Variants in OSBPL8 observed in about 807,000 individuals in gnomAD.
The protein encoded by OSBPL8 is oxysterol binding protein like 8, also known as oxysterol-binding protein-related protein 8.
OSBPL8 carries 59 observed loss-of-function variants against 125.5 expected under a neutral mutation model. That is an observed-to-expected ratio of 0.47 (90% CI 0.38 to 0.58). The LOEUF (loss-of-function observed/expected upper bound fraction) is 0.58, where lower values mean the gene tolerates loss of function less well. Ranked by LOEUF, OSBPL8 falls within the 20% of genes least tolerant of loss-of-function variation. OSBPL8 has a pLI of 0.00. For synonymous variants in OSBPL8, 330 were observed against 338.9 expected (o/e 0.97, Z 0.29); for missense variants, 758 against 1,047.8 (o/e 0.72, Z 3.82).
chr12:76,433,585 TCAG>T (rs1458193978), intron 4 of OSBPL8, among the ~76,000 whole-genome samples: 1 of 152,086 alleles, frequency 6.6e-6, no homozygotes, highest in Non-Finnish European at 1.5e-5. Flanking sequence ...TTTTTGTGGA[TCAG>T]AAGAATTAAT....
At position 76,559,607 on chromosome 12, in the gene OSBPL8, A is replaced by T. The variant is rs569680613; in HGVS notation, c.-278T>A. ...GGCTCAGCCCCCGAGCGGGGCGGGA[A>T]CTTTCGGCCCCGAGGTCCACCAGCC... On this transcript the variant is annotated 5_prime_UTR_variant, in exon 1 of 24. Coordinates refer to ENST00000261183, the MANE Select transcript of OSBPL8 (RefSeq NM_020841.5). The T allele has an allele frequency of 3.9e-4, 60 of 152,254 alleles. No homozygotes were observed. Among genetic ancestry groups the T allele is most frequent in the African/African-American group, 1.3e-3 (53 of 41,574 alleles). The allele number at this position is 152,254 out of a possible 1,614,324, so 9.4% of individuals were successfully genotyped here.
At chr12:76,382,634 G>A (rs1156270496) in intron 15 of OSBPL8, among the ~76,000 whole-genome samples, 6 of 152,186 alleles carry the variant, frequency 3.9e-5, no homozygotes, top group Non-Finnish European at 8.8e-5. Context: ...TGTAACCCCA[G>A]CACTTTGGGA....
intron 4 of OSBPL8, among the ~76,000 whole-genome samples, chr12:76,415,341 G>A (rs1461294095): frequency 8.6e-5 from 13 of 151,008 alleles, no homozygotes; most frequent in East Asian, 3.9e-4. Flanking sequence ...TCTGCCTCCC[G>A]GGTTCAAGCG....
intron 1 of OSBPL8, among the ~76,000 whole-genome samples, chr12:76,558,525 G>A (rs1161463519): frequency 6.6e-6 from 1 of 152,186 alleles, no homozygotes; most frequent in East Asian, 1.9e-4. Context: ...GCAGCAGAAA[G>A]GCAAAAACAT....
At chr12:76,459,430 A>G (rs1874439957) in intron 3 of OSBPL8, among the ~76,000 whole-genome samples, 1 of 152,240 alleles carries the variant, frequency 6.6e-6, no homozygotes, top group Non-Finnish European at 1.5e-5. Context: ...TCACTTATAA[A>G]ATACCCAAAG....
intron 3 of OSBPL8, 93 bp downstream of exon 3, chr12:76,459,766 T>C (rs1874484904): frequency 1.4e-6 from 2 of 1,421,494 alleles, no homozygotes; most frequent in Non-Finnish European, 9.8e-7. Flanking sequence ...CACTTAATAA[T>C]TCAAAATTGA....
At chr12:76,416,208 A>G (rs1250570261) in intron 4 of OSBPL8, among the ~76,000 whole-genome samples, 1 of 152,092 alleles carries the variant, frequency 6.6e-6, no homozygotes, top group African/African-American at 2.4e-5. Context: ...AATTTTAAAC[A>G]TAACAGAATT....
chr12:76,465,993 C>T (rs1366620570), intron 2 of OSBPL8, among the ~76,000 whole-genome samples: 1 of 151,586 alleles, frequency 6.6e-6, no homozygotes, highest in Non-Finnish European at 1.5e-5. Context: ...AAGAGCAAGA[C>T]TCTGTCTCAA....
intron 8 of OSBPL8, 26 bp downstream of exon 8, chr12:76,397,668 C>T: frequency 1.9e-6 from 3 of 1,595,086 alleles, no homozygotes; most frequent in Non-Finnish European, 2.6e-6. Context: ...CTTTACCTTT[C>T]ACCTATGTAA....
chr12:76,389,288 T>C (rs1336693010), intron 12 of OSBPL8, among the ~76,000 whole-genome samples: 1 of 152,152 alleles, frequency 6.6e-6, no homozygotes, highest in African/African-American at 2.4e-5. Flanking sequence ...TGCCCCAGGA[T>C]GGGACTGAAC....
chr12:76,395,305 C>A (rs1445138636), intron 8 of OSBPL8, among the ~76,000 whole-genome samples: 1 of 152,028 alleles, frequency 6.6e-6, no homozygotes, highest in African/African-American at 2.4e-5. Context: ...GTATACAATA[C>A]CAACACTAAT....
intron 2 of OSBPL8, among the ~76,000 whole-genome samples, chr12:76,475,886 G>A (rs1399931785): frequency 6.6e-6 from 1 of 152,192 alleles, no homozygotes; most frequent in African/African-American, 2.4e-5. Flanking sequence ...ATTAAACACA[G>A]TCCTAAGTAA....
chr12:76,472,579 G>C (rs982333559), intron 2 of OSBPL8, among the ~76,000 whole-genome samples: 4 of 152,338 alleles, frequency 2.6e-5, no homozygotes, highest in Non-Finnish European at 5.9e-5. Flanking sequence ...AGGGTAAGGA[G>C]TGTGAGCCAT....
chr12:76,444,372 A>G (rs1193964257), intron 4 of OSBPL8, among the ~76,000 whole-genome samples: 1 of 152,202 alleles, frequency 6.6e-6, no homozygotes. Flanking sequence ...GTGATATAAG[A>G]ATTTTGAAAA....
chr12:76,419,448 G>A lies in OSBPL8; in HGVS notation c.218-8814C>T, dbSNP rs141939718. On this transcript the variant is annotated intron_variant, in intron 4 of 23. Transcript: ENST00000261183. ...CAGTAAAATAACTGCTTATAATAAAGGCAGAGGGATACCTGCGAATAAGCT... is the reference window on the plus strand; with the variant it reads ...CAGTAAAATAACTGCTTATAATAAAAGCAGAGGGATACCTGCGAATAAGCT... Among the ~76,000 whole-genome samples the A allele has an allele frequency of 4.3e-3, 661 of 152,134 alleles. 11 individuals carry two copies. The highest frequency in any genetic ancestry group is 0.03 in the Admixed American group (458 of 15,278).
chr12:76,398,340 G>A (rs895053818), intron 7 of OSBPL8, among the ~76,000 whole-genome samples: 9 of 152,170 alleles, frequency 5.9e-5, no homozygotes, highest in South Asian at 4.1e-4. Flanking sequence ...CATTCCCTAA[G>A]TATTTGGTGA....
intron 21 of OSBPL8, among the ~76,000 whole-genome samples, chr12:76,367,000 G>C (rs975042041): frequency 6.6e-6 from 1 of 152,190 alleles, no homozygotes; most frequent in Admixed American, 6.5e-5. Context: ...GTACACTTGA[G>C]AAGAATGTGT....
chr12:76,499,477 C>A (rs1879669972), intron 1 of OSBPL8, among the ~76,000 whole-genome samples: 1 of 152,120 alleles, frequency 6.6e-6, no homozygotes, highest in Admixed American at 6.5e-5. Flanking sequence ...ATCAAGCGAT[C>A]CTTCCACCTC....
chr12:76,406,290 A>G (rs1165262559), intron 5 of OSBPL8, among the ~76,000 whole-genome samples: 1 of 152,206 alleles, frequency 6.6e-6, no homozygotes, highest in East Asian at 1.9e-4. Flanking sequence ...CACATCAGAC[A>G]TTTTGGTTTA....
Sources: gnomAD v4.1 joint callset for allele counts (sites outside exome capture counted in the v4.1 genomes callset) on GRCh38, gnomAD v4.1.1 for gene constraint, MANE v1.5 for transcripts, NCBI Gene and HGNC (gene_info 2026-07-23, HGNC 2026-07-21) for gene names.